Variants in PPP2R2B observed in about 807,000 individuals in gnomAD.
PPP2R2B encodes the protein serine/threonine-protein phosphatase 2A 55 kDa regulatory subunit B beta isoform.
A neutral mutation model predicts 46.0 loss-of-function variants in PPP2R2B; 5 were observed. The ratio of observed to expected loss-of-function variants is 0.11; its 90% CI spans 0.06 to 0.23. The LOEUF (loss-of-function observed/expected upper bound fraction) is 0.23. Among genes scored for constraint, PPP2R2B ranks in the 10% least tolerant of loss-of-function variants. The pLI, the probability that PPP2R2B is intolerant of heterozygous loss-of-function variation, is 1.00. For synonymous variants in PPP2R2B, 215 were observed against 206.7 expected, an observed-to-expected ratio of 1.04 and a Z score of -0.34; for missense variants, 367 against 575.0, an observed-to-expected ratio of 0.64 and a Z score of 3.70.
At chr5:146,681,957 C>T (rs1243012400) in intron 5 of PPP2R2B, among the ~76,000 whole-genome samples, 2 of 152,172 alleles carry the variant, frequency 1.3e-5, no homozygotes, top group Admixed American at 6.5e-5. Context: ...GTGGACGTCT[C>T]AGCTTGCCAC....
chr5:146,933,604 G>A (rs1764038436), intron 1 of PPP2R2B, among the ~76,000 whole-genome samples: 1 of 151,836 alleles, frequency 6.6e-6, no homozygotes, highest in African/African-American at 2.4e-5. Context: ...AGCTTCCAGA[G>A]AGAAGCAAAA....
intron 6 of PPP2R2B, among the ~76,000 whole-genome samples, chr5:146,649,970 C>A (rs1775847630): frequency 6.6e-6 from 1 of 152,050 alleles, no homozygotes; most frequent in Non-Finnish European, 1.5e-5. Context: ...GTATACTGTA[C>A]ATTTTATCAA....
intron 1 of PPP2R2B, among the ~76,000 whole-genome samples, chr5:146,945,900 C>T (rs1380046305): frequency 1.3e-5 from 2 of 152,040 alleles, no homozygotes; most frequent in African/African-American, 2.4e-5. Flanking sequence ...ACTATGGACC[C>T]CTGCCTAATG....
At chr5:146,815,224 T>A (rs1023090634) in intron 2 of PPP2R2B, among the ~76,000 whole-genome samples, 2 of 152,214 alleles carry the variant, frequency 1.3e-5, no homozygotes, top group Admixed American at 1.3e-4. Context: ...ATTATGAAAG[T>A]TCCTCCTCTT....
intron 8 of PPP2R2B, among the ~76,000 whole-genome samples, chr5:146,593,414 C>T (rs1378256657): frequency 6.6e-6 from 1 of 152,254 alleles, no homozygotes; most frequent in Admixed American, 6.5e-5. Flanking sequence ...TGAATACCTA[C>T]TACGCACTTG....
At chr5:147,040,939 G>A in intron 1 of PPP2R2B, 5 of 369,626 alleles carry the variant, frequency 1.4e-5, no homozygotes, top group Non-Finnish European at 2.1e-5. Context: ...AAAGGTAGTC[G>A]ATTCTTTATA....
At chr5:146,808,990 T>TGCGC (rs1005265283) in intron 2 of PPP2R2B, among the ~76,000 whole-genome samples, 1 of 150,468 alleles carries the variant, frequency 6.6e-6, no homozygotes, top group African/African-American at 2.5e-5. Context: ...TGTGTGTGTG[T>TGCGC]GTGTGCGCGC....
chr5:147,026,874 T>C (rs1755549766), intron 1 of PPP2R2B, among the ~76,000 whole-genome samples: 1 of 152,186 alleles, frequency 6.6e-6, no homozygotes, highest in Non-Finnish European at 1.5e-5. Flanking sequence ...GAAAATAGTT[T>C]GGAAATTTCT....
At chr5:146,784,837 A>G (rs1305796691) in intron 2 of PPP2R2B, among the ~76,000 whole-genome samples, 1 of 152,224 alleles carries the variant, frequency 6.6e-6, no homozygotes, top group Non-Finnish European at 1.5e-5. Context: ...TGAGTTCAGA[A>G]TCAGACATAC....
intron 1 of PPP2R2B, among the ~76,000 whole-genome samples, chr5:146,973,868 T>C (rs1157963099): frequency 2.0e-5 from 3 of 152,200 alleles, no homozygotes; most frequent in Non-Finnish European, 4.4e-5. Context: ...AAACAATGCA[T>C]ATAGATAATA....
chr5:146,897,063 C>A (rs1224990658), intron 1 of PPP2R2B, among the ~76,000 whole-genome samples: 1 of 152,082 alleles, frequency 6.6e-6, no homozygotes, highest in Non-Finnish European at 1.5e-5. Context: ...AGTAAAGAAG[C>A]AAAGCAGATA....
At chr5:146,657,411 T>C (rs1437843172) in intron 5 of PPP2R2B, among the ~76,000 whole-genome samples, 2 of 152,176 alleles carry the variant, frequency 1.3e-5, no homozygotes, top group East Asian at 3.9e-4. Context: ...TGTCTGTCTG[T>C]AGGATGTGGA....
chr5:146,784,087 C>T (rs1755696431), intron 2 of PPP2R2B, among the ~76,000 whole-genome samples: 1 of 152,146 alleles, frequency 6.6e-6, no homozygotes, highest in Admixed American at 6.6e-5. Flanking sequence ...AGAACCTCAG[C>T]TGGTTAACAT....
At chr5:147,003,492 C>T (rs942517989) in intron 1 of PPP2R2B, among the ~76,000 whole-genome samples, 2 of 152,128 alleles carry the variant, frequency 1.3e-5, no homozygotes, top group African/African-American at 4.8e-5. Context: ...AACCTTTGAT[C>T]TCACTTGGAG....
At chr5:146,946,662 C>A (rs1221995975) in intron 1 of PPP2R2B, among the ~76,000 whole-genome samples, 1 of 152,046 alleles carries the variant, frequency 6.6e-6, no homozygotes, top group Non-Finnish European at 1.5e-5. Context: ...TATATAAAAT[C>A]TTTTCTATGT....
intron 5 of PPP2R2B, among the ~76,000 whole-genome samples, chr5:146,680,419 T>C (rs1240975711): frequency 6.6e-6 from 1 of 150,428 alleles, no homozygotes; most frequent in African/African-American, 2.5e-5. Flanking sequence ...GAGGGAGGGA[T>C]AGCATTGGGA....
chr5:146,929,708 T>G (rs1763904085), intron 1 of PPP2R2B, among the ~76,000 whole-genome samples: 1 of 152,142 alleles, frequency 6.6e-6, no homozygotes, highest in Admixed American at 6.5e-5. Context: ...GATCTCTATA[T>G]TACATTGTAT....
chr5:147,052,338 G>A (rs539513305), intron 1 of PPP2R2B, among the ~76,000 whole-genome samples: 2 of 152,228 alleles, frequency 1.3e-5, no homozygotes, highest in South Asian at 2.1e-4. Context: ...AATTTACTAA[G>A]CACCTATAAT....
chr5:146,871,326 A>G (rs1419110388), intron 2 of PPP2R2B, among the ~76,000 whole-genome samples: 2 of 152,188 alleles, frequency 1.3e-5, no homozygotes, highest in East Asian at 1.9e-4. Context: ...ATGAGTTGTC[A>G]TGAGCTGGGA....
Sources: allele counts gnomAD v4.1 joint callset (sites outside exome capture counted in the v4.1 genomes callset), GRCh38; gene constraint gnomAD v4.1.1; transcripts MANE v1.5; gene names NCBI Gene and HGNC (gene_info 2026-07-23, HGNC 2026-07-21).